The following BTBD9 variants were observed in gnomAD, a reference collection of about 807,000 sequenced individuals.
The protein encoded by BTBD9 is BTB/POZ domain-containing protein 9.
Under a neutral mutation model 64.3 loss-of-function variants are expected in BTBD9, and 49 were observed. That is an observed-to-expected ratio of 0.76 (90% CI 0.61 to 0.97). BTBD9 has a LOEUF of 0.97. Among genes scored for constraint, BTBD9 ranks in the 50% least tolerant of loss-of-function variants. BTBD9 has a pLI of 0.00. For synonymous variants in BTBD9, 260 were observed against 274.7 expected, an observed-to-expected ratio of 0.95 and a Z score of 0.53; for missense variants, 598 against 762.1, an observed-to-expected ratio of 0.78 and a Z score of 2.53.
intron 9 of BTBD9, among the ~76,000 whole-genome samples, chr6:38,233,805 A>G (rs948989785): frequency 2.6e-5 from 4 of 152,200 alleles, no homozygotes; most frequent in African/African-American, 7.2e-5. Flanking sequence ...TTGCATGCAT[A>G]ATGTACTGAA....
chr6:38,438,822 A>G lies in BTBD9; in HGVS notation c.1155-93729T>C, dbSNP rs555252447. 2.0e-4 allele frequency among the ~76,000 whole-genome samples: 30 copies of G among 152,346 alleles called. No homozygotes were observed. In the South Asian group the frequency reaches 6.2e-3, roughly 32 times the overall value. On this transcript the variant is annotated intron_variant, in intron 6 of 10. Transcript: ENST00000481247. ...GTGATCAATACTATGCAGAAAAACA[A>G]AACAGAAGGAAGATGGGTGTTTGGC...
At chr6:38,588,446 T>C (rs1776644471) in intron 4 of BTBD9, 1 of 815,794 alleles carries the variant, frequency 1.2e-6, no homozygotes, top group East Asian at 2.5e-5. Context: ...GTAAGTAGCA[T>C]GACCCCTCCT....
chr6:38,419,476 C>T (rs894725227), intron 6 of BTBD9, among the ~76,000 whole-genome samples: 3 of 152,120 alleles, frequency 2.0e-5, no homozygotes, highest in African/African-American at 7.2e-5. Context: ...CTTACTTGAC[C>T]TGAAACTTAA....
At chr6:38,564,664 G>A (rs910548433) in intron 6 of BTBD9, among the ~76,000 whole-genome samples, 11 of 152,196 alleles carry the variant, frequency 7.2e-5, no homozygotes, top group Admixed American at 3.3e-4. Flanking sequence ...CAAGGTGGGC[G>A]AATCATTAGG....
At chr6:38,236,740 T>C (rs560500520) in intron 9 of BTBD9, among the ~76,000 whole-genome samples, 14 of 152,342 alleles carry the variant, frequency 9.2e-5, no homozygotes, top group African/African-American at 3.4e-4. Context: ...CTAATGACAT[T>C]TGATTAAAAA....
chr6:38,483,525 G>T (rs1276662813), intron 6 of BTBD9, among the ~76,000 whole-genome samples: 3 of 150,970 alleles, frequency 2.0e-5, no homozygotes, highest in Non-Finnish European at 2.9e-5. Flanking sequence ...CCATCACCTG[G>T]TTTAAACCCT....
intron 7 of BTBD9, among the ~76,000 whole-genome samples, chr6:38,303,973 G>T (rs1762523975): frequency 6.8e-6 from 1 of 146,392 alleles, no homozygotes. Flanking sequence ...ATATGTGCTG[G>T]TGAATAGCAT....
chr6:38,473,894 A>G (rs866692133), intron 6 of BTBD9, among the ~76,000 whole-genome samples: 1 of 152,216 alleles, frequency 6.6e-6, no homozygotes, highest in Non-Finnish European at 1.5e-5. Context: ...AGTATAACAT[A>G]TAAGTAAGCT....
chr6:38,369,308 T>C (rs1765320062), intron 6 of BTBD9, among the ~76,000 whole-genome samples: 1 of 152,202 alleles, frequency 6.6e-6, no homozygotes, highest in Non-Finnish European at 1.5e-5. Context: ...CTGCTTAAAA[T>C]ACTTCAATGA....
chr6:38,593,955 A>G lies in BTBD9; in HGVS notation c.549+9T>C. The G allele has an allele frequency of 6.2e-7, 1 of 1,604,298 alleles. No homozygotes were observed. Among genetic ancestry groups the G allele is most frequent in the Non-Finnish European group, 8.5e-7 (1 of 1,174,780 alleles). ...ATGCCTATAAATTACTTGTAGACAA[A>G]TGACACACCTTAGAAAGGGAGAGGA... On this transcript the variant is annotated intron_variant, in intron 3 of 10. Coordinates refer to ENST00000481247, the MANE Select transcript of BTBD9 (RefSeq NM_001099272.2).
intron 9 of BTBD9, among the ~76,000 whole-genome samples, chr6:38,254,466 A>T (rs1379914130): frequency 6.6e-6 from 1 of 151,874 alleles, no homozygotes; most frequent in Non-Finnish European, 1.5e-5. Context: ...AAACAAACAA[A>T]CAAACAAACA....
chr6:38,421,689 G>A (rs1416039053), intron 6 of BTBD9, among the ~76,000 whole-genome samples: 3 of 152,188 alleles, frequency 2.0e-5, no homozygotes, highest in Admixed American at 1.3e-4. Flanking sequence ...AAATGGACGA[G>A]AGGCCGACTC....
In BTBD9 at chr6:38,304,978, C is replaced by CT. The variant is rs921761846; in HGVS notation, c.1265-16518dup. Among the ~76,000 whole-genome samples, 536 of 145,700 alleles carry CT rather than the reference C, an allele frequency of 3.7e-3. 2 individuals are homozygous for CT. The highest frequency in any genetic ancestry group is 0.011 in the Middle Eastern group (3 of 284). ...AATGTGAGTTTCATAAGGGCAGGAACTTTTTTTTTTTTTCTGCAGCTGTAT... is the reference window on the plus strand; with the variant it reads ...AATGTGAGTTTCATAAGGGCAGGAACTTTTTTTTTTTTTTCTGCAGCTGTAT... On this transcript the variant is annotated intron_variant, in intron 7 of 10. Transcript: ENST00000481247.
intron 6 of BTBD9, among the ~76,000 whole-genome samples, chr6:38,447,830 T>C (rs1484468046): frequency 1.3e-5 from 2 of 152,244 alleles, no homozygotes; most frequent in African/African-American, 4.8e-5. Flanking sequence ...ATGATTGATA[T>C]TTAAGCTTTT....
chr6:38,325,900 T>G lies in BTBD9; in HGVS notation c.1264+19084A>C, dbSNP rs139203468. Among the ~76,000 whole-genome samples, 848 of 152,272 alleles carry G rather than the reference T, an allele frequency of 5.6e-3. 8 individuals carry two copies. The highest frequency in any genetic ancestry group is 0.019 in the African/African-American group (777 of 41,564). On this transcript the variant is annotated intron_variant, in intron 7 of 10. Coordinates refer to ENST00000481247, the MANE Select transcript of BTBD9 (RefSeq NM_001099272.2). ...TCATTCATTCAACACTTACTGAGTATCAGGGTTCCAAACGCTGGGAATACA... is the reference window on the plus strand; with the variant it reads ...TCATTCATTCAACACTTACTGAGTAGCAGGGTTCCAAACGCTGGGAATACA...
At position 38,276,087 on chromosome 6, in the gene BTBD9, T is replaced by A. The variant is rs1466079935; in HGVS notation, c.1454+12185A>T. Among the ~76,000 whole-genome samples the A allele has an allele frequency of 5.3e-5, 8 of 152,232 alleles. No individual in the cohort carries two copies. In the South Asian group the frequency reaches 1.7e-3, roughly 32 times the overall value. Reference sequence around the variant, plus strand: ...CGGCACTATTCACAATAGCAAAGACTTGGAACCAACCCAAATGTCCAACAA... The same window carrying A: ...CGGCACTATTCACAATAGCAAAGACATGGAACCAACCCAAATGTCCAACAA... On this transcript the variant is annotated intron_variant, in intron 8 of 10. Coordinates refer to ENST00000481247, the MANE Select transcript of BTBD9 (RefSeq NM_001099272.2).
intron 7 of BTBD9, among the ~76,000 whole-genome samples, chr6:38,335,419 A>C (rs1427827324): frequency 6.6e-6 from 1 of 151,696 alleles, no homozygotes; most frequent in East Asian, 1.9e-4. Flanking sequence ...AACCTGGTTA[A>C]TTTTTGTATT....
intron 6 of BTBD9, among the ~76,000 whole-genome samples, chr6:38,352,379 A>T (rs937821268): frequency 6.6e-6 from 1 of 152,004 alleles, no homozygotes; most frequent in Non-Finnish European, 1.5e-5. Context: ...TCTGTCTGAA[A>T]AAAAAAAAAG....
intron 6 of BTBD9, among the ~76,000 whole-genome samples, chr6:38,419,462 ATC>A (rs1216900142): frequency 3.3e-5 from 5 of 152,238 alleles, no homozygotes; most frequent in African/African-American, 1.2e-4. Context: ...AGACCTGTCA[ATC>A]TCTTACTTGA....
Sources: gnomAD v4.1 joint callset for allele counts (sites outside exome capture counted in the v4.1 genomes callset) on GRCh38, gnomAD v4.1.1 for gene constraint, MANE v1.5 for transcripts, NCBI Gene and HGNC (gene_info 2026-07-23, HGNC 2026-07-21) for gene names.